DACH2: variants seen among roughly 807,000 people sequenced by gnomAD.
DACH2 encodes dachshund family transcription factor 2.
In DACH2, 17 loss-of-function variants were observed where a neutral mutation model predicts 35.8. The observed-to-expected ratio is 0.48, with a 90% CI of 0.33 to 0.71. The LOEUF (loss-of-function observed/expected upper bound fraction) is 0.71, where lower values mean the gene tolerates loss of function less well. Among genes scored for constraint, DACH2 ranks in the 30% least tolerant of loss-of-function variants. The pLI is 0.02. For missense variants in DACH2, 469 were observed against 472.7 expected (o/e 0.99, Z 0.07); for synonymous variants, 195 against 177.3 (o/e 1.10, Z -0.79).
chrX:86,318,516 A>G, intron 1 of DACH2, among the ~76,000 whole-genome samples: 1 of 111,902 alleles, frequency 8.9e-6, no homozygotes, highest in Admixed American at 9.5e-5. Context: ...TTTGATTATT[A>G]CCATTGGCTT....
rs141181481 is a variant in DACH2, at chrX:86,491,236, A to G, written c.528-23043A>G. Among the ~76,000 whole-genome samples, 565 of 111,799 alleles carry G rather than the reference A, an allele frequency of 5.1e-3. 5 individuals carry two copies. The highest frequency in any genetic ancestry group is 0.017 in the African/African-American group (535 of 30,914). On this transcript the variant is annotated intron_variant, in intron 2 of 11. Coordinates refer to ENST00000373125, the MANE Select transcript of DACH2 (RefSeq NM_053281.3). ...TGTACACAATGCTTTTACGCCAGATATTTCAGTCTCATGGACATACATTGT... is the reference window on the plus strand; with the variant it reads ...TGTACACAATGCTTTTACGCCAGATGTTTCAGTCTCATGGACATACATTGT...
intron 1 of DACH2, among the ~76,000 whole-genome samples, chrX:86,296,516 T>C (rs2034465728): frequency 1.8e-5 from 2 of 111,457 alleles, no homozygotes; most frequent in African/African-American, 6.5e-5. Context: ...GATCCCATGT[T>C]CAAGTTTGCC....
chrX:86,265,971 G>A (rs950086881), intron 1 of DACH2, among the ~76,000 whole-genome samples: 4 of 111,691 alleles, frequency 3.6e-5, no homozygotes, highest in African/African-American at 1.3e-4. Context: ...GTGTGTATGT[G>A]TATATATGAT....
At chrX:86,357,488 A>C (rs1303560620) in intron 1 of DACH2, among the ~76,000 whole-genome samples, 2 of 112,258 alleles carry the variant, frequency 1.8e-5, no homozygotes, top group Non-Finnish European at 3.8e-5. Context: ...AGAAACATAG[A>C]GATAAATGTA....
intron 1 of DACH2, among the ~76,000 whole-genome samples, chrX:86,219,335 A>G (rs148520770): frequency 0.032 from 3,578 of 111,047 alleles, 145 homozygotes; most frequent in African/African-American, 0.11. Context: ...TTTAGCTTCA[A>G]TGGTACATGT....
intron 3 of DACH2, among the ~76,000 whole-genome samples, chrX:86,546,469 ATTCTTCCTC>A (rs1211890864): frequency 5.4e-5 from 3 of 55,517 alleles, no homozygotes; most frequent in Non-Finnish European, 1.1e-4. Flanking sequence ...TCTACCTCTT[ATTCTTCCTC>A]TTCTTCCTCT....
At chrX:86,701,988 A>G (rs1260829107) in intron 5 of DACH2, among the ~76,000 whole-genome samples, 1 of 111,607 alleles carries the variant, frequency 9.0e-6, no homozygotes, top group Non-Finnish European at 1.9e-5. Flanking sequence ...CCTATATAAC[A>G]AATCTACACA....
At chrX:86,636,921 T>A (rs962603905) in intron 3 of DACH2, among the ~76,000 whole-genome samples, 1 of 102,278 alleles carries the variant, frequency 9.8e-6, no homozygotes, top group Admixed American at 1.1e-4. Context: ...AGTAAACACA[T>A]AACCTACAGA....
chrX:86,800,898 G>A (rs1602966209), intron 7 of DACH2, among the ~76,000 whole-genome samples: 1 of 110,803 alleles, frequency 9.0e-6, no homozygotes, highest in East Asian at 2.9e-4. Flanking sequence ...TTGAACTCCT[G>A]ACCTCAAGTG....
At chrX:86,566,545 C>A (rs1045684032) in intron 3 of DACH2, among the ~76,000 whole-genome samples, 1 of 111,305 alleles carries the variant, frequency 9.0e-6, no homozygotes, top group Non-Finnish European at 1.9e-5. Context: ...CGATTAAAAA[C>A]TGTTAGCTAT....
intron 3 of DACH2, among the ~76,000 whole-genome samples, chrX:86,638,199 G>A (rs961438872): frequency 9.0e-6 from 1 of 111,653 alleles, no homozygotes; most frequent in Non-Finnish European, 1.9e-5. Context: ...TGGGAACATT[G>A]GATTACCATA....
chrX:86,675,910 A>C (rs942644305), intron 4 of DACH2, among the ~76,000 whole-genome samples: 11 of 111,773 alleles, frequency 9.8e-5, no homozygotes, highest in African/African-American at 3.6e-4. Flanking sequence ...AGATGCAATA[A>C]AGTCTTTTTG....
At chrX:86,583,617 C>T (rs747802619) in intron 3 of DACH2, among the ~76,000 whole-genome samples, 1 of 107,078 alleles carries the variant, frequency 9.3e-6, no homozygotes, top group African/African-American at 3.4e-5. Flanking sequence ...TTAAACCATA[C>T]TTTATTATTG....
At chrX:86,697,740 A>G (rs1268166431) in intron 5 of DACH2, among the ~76,000 whole-genome samples, 1 of 111,435 alleles carries the variant, frequency 9.0e-6, no homozygotes, top group Non-Finnish European at 1.9e-5. Context: ...AGTATCTTAT[A>G]TGAAATCATC....
Position 86,345,571 on chromosome X carries a change from A to C in DACH2, c.489-31253A>C, listed in dbSNP as rs1602425707. ...GAAAAAGAAATGAAACATATTTTGA[A>C]TCAAAATGTCCTTTCCTAGAGGCGA... On this transcript the variant is annotated intron_variant, in intron 1 of 11. Transcript: ENST00000373125. 5 of 181,450 alleles carry C rather than the reference A, an allele frequency of 2.8e-5. No homozygotes were observed. The Admixed American group carries it at 3.7e-4, about 14-fold the overall frequency. 15.0% of individuals were successfully genotyped at this position (181,450 alleles called of 1,213,427 possible).
chrX:86,395,787 T>C (rs2036277010), intron 2 of DACH2, among the ~76,000 whole-genome samples: 1 of 112,177 alleles, frequency 8.9e-6, no homozygotes, highest in South Asian at 3.7e-4. Flanking sequence ...CAGTCTATCA[T>C]TGTTGGACAT....
At chrX:86,298,113 C>G (rs749501112) in intron 1 of DACH2, among the ~76,000 whole-genome samples, 2 of 111,400 alleles carry the variant, frequency 1.8e-5, no homozygotes, top group African/African-American at 6.5e-5. Context: ...GGTTCCTGAG[C>G]GCATTGTTTG....
At chrX:86,311,563 A>G (rs960336768) in intron 1 of DACH2, among the ~76,000 whole-genome samples, 1 of 111,257 alleles carries the variant, frequency 9.0e-6, no homozygotes, top group African/African-American at 3.3e-5. Context: ...CCAGGAATCA[A>G]GGGGTGGAAG....
chrX:86,294,662 G>A (rs932445952), intron 1 of DACH2, among the ~76,000 whole-genome samples: 7 of 110,217 alleles, frequency 6.4e-5, no homozygotes, highest in African/African-American at 2.0e-4. Flanking sequence ...CTCATCTGCA[G>A]GTCTGTTGGA....
Sources: gnomAD v4.1 joint callset for allele counts (sites outside exome capture counted in the v4.1 genomes callset) on GRCh38, gnomAD v4.1.1 for gene constraint, MANE v1.5 for transcripts, NCBI Gene and HGNC (gene_info 2026-07-23, HGNC 2026-07-21) for gene names.